Variants in LYPD6 observed in about 807,000 individuals in gnomAD.
The protein encoded by LYPD6 is LY6/PLAUR domain containing 6.
A neutral mutation model predicts 22.7 loss-of-function variants in LYPD6; 15 were observed. The observed-to-expected ratio is 0.66, with a 90% CI of 0.44 to 1.02. The LOEUF (loss-of-function observed/expected upper bound fraction) is 1.02, where lower values mean the gene tolerates loss of function less well. LYPD6 is among the 50% of genes least tolerant of loss of function. The pLI is 0.00. For missense variants in LYPD6, 189 were observed against 208.4 expected, an observed-to-expected ratio of 0.91 and a Z score of 0.57; for synonymous variants, 72 against 77.5, an observed-to-expected ratio of 0.93 and a Z score of 0.37.
intron 2 of LYPD6, among the ~76,000 whole-genome samples, chr2:149,445,777 C>G (rs1340650876): frequency 5.3e-5 from 8 of 152,324 alleles, no homozygotes; most frequent in African/African-American, 9.6e-5. Context: ...CAAACTTTCT[C>G]TGTATCAGCA....
chr2:149,404,354 C>T (rs1331164853), intron 1 of LYPD6, among the ~76,000 whole-genome samples: 1 of 152,150 alleles, frequency 6.6e-6, no homozygotes, highest in African/African-American at 2.4e-5. Context: ...ATTGATTCTT[C>T]CTACCCATGA....
intron 1 of LYPD6, among the ~76,000 whole-genome samples, chr2:149,331,572 A>G (rs1203185787): frequency 6.6e-6 from 1 of 151,930 alleles, no homozygotes; most frequent in Non-Finnish European, 1.5e-5. Flanking sequence ...GGCATTTTCA[A>G]GTGTCACAAT....
intron 4 of LYPD6, among the ~76,000 whole-genome samples, chr2:149,469,850 CATT>C (rs1230818967): frequency 1.3e-5 from 2 of 152,196 alleles, no homozygotes; most frequent in Admixed American, 1.3e-4. Context: ...ACCTCCGCAA[CATT>C]ATACTGACTT....
chr2:149,344,067 C>T (rs1681210437), intron 1 of LYPD6, among the ~76,000 whole-genome samples: 1 of 152,174 alleles, frequency 6.6e-6, no homozygotes, highest in South Asian at 2.1e-4. Flanking sequence ...TCTTGAGGGT[C>T]AGTGTTTTCT....
intron 1 of LYPD6, among the ~76,000 whole-genome samples, chr2:149,385,118 C>T (rs1310644581): frequency 6.6e-6 from 1 of 152,110 alleles, no homozygotes; most frequent in Non-Finnish European, 1.5e-5. Flanking sequence ...CATTTTATCT[C>T]TCTTCCCTTT....
chr2:149,392,869 CA>C (rs970761294), intron 1 of LYPD6, among the ~76,000 whole-genome samples: 1 of 151,998 alleles, frequency 6.6e-6, no homozygotes, highest in African/African-American at 2.4e-5. Flanking sequence ...TCTAAAAATA[CA>C]AAAAAATTTA....
intron 1 of LYPD6, among the ~76,000 whole-genome samples, chr2:149,393,888 G>A (rs1039814166): frequency 2.0e-5 from 3 of 152,114 alleles, no homozygotes; most frequent in Non-Finnish European, 2.9e-5. Context: ...AAAAAGATAG[G>A]GCAGTGACAG....
intron 1 of LYPD6, among the ~76,000 whole-genome samples, chr2:149,419,639 C>T (rs1467260896): frequency 6.6e-6 from 1 of 152,174 alleles, no homozygotes; most frequent in East Asian, 1.9e-4. Context: ...TAGAGAATCA[C>T]TGTAGCATTT....
At chr2:149,373,566 G>T (rs1198972521) in intron 1 of LYPD6, among the ~76,000 whole-genome samples, 1 of 152,110 alleles carries the variant, frequency 6.6e-6, no homozygotes, top group Non-Finnish European at 1.5e-5. Context: ...TCGTGTCCAA[G>T]GGAAGAATAT....
chr2:149,449,005 G>A, intron 2 of LYPD6, 44 bp from the exon 3 acceptor site: 1 of 1,394,318 alleles, frequency 7.2e-7, no homozygotes, highest in Non-Finnish European at 1.0e-6. Context: ...AGGATTCTGT[G>A]CCTTGTCTAA....
chr2:149,471,070 C>A lies in LYPD6; in HGVS notation c.*220C>A, dbSNP rs1681324096. The stretch of plus-strand genomic sequence containing the variant: ...TCATCAAAGCCTTCTGTCAGTACAG[C>A]CCAAGTTCCATACCATAAACGTTTG... On this transcript the variant is annotated 3_prime_UTR_variant, in exon 5 of 5. Coordinates refer to ENST00000334166, the MANE Select transcript of LYPD6 (RefSeq NM_194317.5). The A allele has an allele frequency of 2.3e-6, 1 of 428,774 alleles. No individual in the cohort carries two copies. The highest frequency in any genetic ancestry group is 3.3e-5 in the East Asian group (1 of 30,320). 26.6% of individuals were successfully genotyped at this position (428,774 alleles called of 1,614,324 possible).
intron 1 of LYPD6, among the ~76,000 whole-genome samples, chr2:149,372,763 G>T (rs1019685136): frequency 2.6e-5 from 4 of 152,176 alleles, no homozygotes; most frequent in African/African-American, 7.2e-5. Context: ...ATGGGACAGG[G>T]GCATAAGCTT....
the LYPD6 span, among the ~76,000 whole-genome samples, chr2:149,480,510 C>T: frequency 8.7e-6 from 1 of 115,324 alleles, no homozygotes; most frequent in Non-Finnish European, 1.8e-5. Context: ...CCCCTTGTTG[C>T]CCACTCTCAT....
chr2:149,359,848 C>T (rs2160399), intron 1 of LYPD6, among the ~76,000 whole-genome samples: 6,782 of 152,140 alleles, frequency 0.045, 528 homozygotes, highest in African/African-American at 0.15. Flanking sequence ...TCCTGGACCT[C>T]GTGCAGGAAA....
rs139941600 is a variant in LYPD6 at position 149,349,903 on chromosome 2, C to G, written c.-72+19181C>G. 3.1e-3 allele frequency among the ~76,000 whole-genome samples: 466 copies of G among 152,118 alleles called. 3 individuals are homozygous for G. The highest frequency in any genetic ancestry group is 5.6e-3 in the Non-Finnish European group (381 of 67,994). ...ATTTAAAATTTATTAGCAACTTTCT[C>G]TTGTTCTTAGATTTTAGAGAGATGG... is the stretch of plus-strand genomic sequence containing the variant. On this transcript the variant is annotated intron_variant, in intron 1 of 4. Transcript: ENST00000334166.
the LYPD6 span, among the ~76,000 whole-genome samples, chr2:149,480,741 C>G: frequency 3.3e-5 from 5 of 152,128 alleles, no homozygotes; most frequent in African/African-American, 9.7e-5. Flanking sequence ...GGAGCGTTGC[C>G]CCAGCAGCCC....
intron 1 of LYPD6, among the ~76,000 whole-genome samples, chr2:149,361,260 T>C (rs1375075800): frequency 6.6e-6 from 1 of 152,142 alleles, no homozygotes; most frequent in African/African-American, 2.4e-5. Context: ...TAGATTTAAG[T>C]CAGTGCCTTC....
chr2:149,437,870 A>G (rs1482041150), intron 2 of LYPD6, 44 bp downstream of exon 2: 15 of 1,604,336 alleles, frequency 9.3e-6, no homozygotes, highest in Non-Finnish European at 1.1e-5. Flanking sequence ...TTTATTTCAA[A>G]TAAGAAGTGG....
chr2:149,424,936 G>A (rs894465202), intron 1 of LYPD6, among the ~76,000 whole-genome samples: 1 of 152,148 alleles, frequency 6.6e-6, no homozygotes, highest in African/African-American at 2.4e-5. Context: ...GGCCCTAGTT[G>A]CCAGTCTGGT....
Sources: gnomAD v4.1 joint callset for allele counts (sites outside exome capture counted in the v4.1 genomes callset) on GRCh38, gnomAD v4.1.1 for gene constraint, MANE v1.5 for transcripts, NCBI Gene and HGNC (gene_info 2026-07-23, HGNC 2026-07-21) for gene names.